Variants in SLC9A9 observed in about 807,000 individuals in gnomAD.
SLC9A9 encodes the protein solute carrier family 9 member A9, also known as sodium/hydrogen exchanger 9.
Under a neutral mutation model 77.8 loss-of-function variants are expected in SLC9A9, and 62 were observed. That is an observed-to-expected ratio of 0.80 (90% CI 0.65 to 0.98). SLC9A9 has a LOEUF of 0.98. Ranked by LOEUF, SLC9A9 falls within the 50% of genes least tolerant of loss-of-function variation. SLC9A9 has a pLI of 0.00. For missense variants in SLC9A9, 775 were observed against 774.9 expected, an observed-to-expected ratio of 1.00 and a Z score of 0.00; for synonymous variants, 320 against 283.5, an observed-to-expected ratio of 1.13 and a Z score of -1.29.
At chr3:143,376,047 C>A (rs569523371) in intron 13 of SLC9A9, among the ~76,000 whole-genome samples, 2 of 152,210 alleles carry the variant, frequency 1.3e-5, no homozygotes, top group East Asian at 3.9e-4. Context: ...CAGGTTGACC[C>A]TCTCCTCCTG....
chr3:143,456,161 A>G (rs1420289187), intron 12 of SLC9A9, among the ~76,000 whole-genome samples: 1 of 152,098 alleles, frequency 6.6e-6, no homozygotes, highest in African/African-American at 2.4e-5. Flanking sequence ...ATCTATTGAT[A>G]TGATCATGTT....
chr3:143,492,694 C>A (rs1164594522), intron 11 of SLC9A9, among the ~76,000 whole-genome samples: 2 of 152,202 alleles, frequency 1.3e-5, no homozygotes, highest in East Asian at 3.8e-4. Flanking sequence ...TTAATACTTG[C>A]TTCACAGGAT....
chr3:143,677,706 G>A (rs1242536599), intron 5 of SLC9A9, among the ~76,000 whole-genome samples: 1 of 152,092 alleles, frequency 6.6e-6, no homozygotes, highest in African/African-American at 2.4e-5. Context: ...ACTGTTAGGG[G>A]TAAAATGATA....
chr3:143,472,709 G>A (rs965185815), intron 11 of SLC9A9, among the ~76,000 whole-genome samples: 9 of 152,244 alleles, frequency 5.9e-5, no homozygotes, highest in African/African-American at 1.7e-4. Context: ...ACTCAATAAC[G>A]ATTTGTCCAA....
chr3:143,330,642 G>A (rs1187813479), intron 14 of SLC9A9, among the ~76,000 whole-genome samples: 3 of 152,202 alleles, frequency 2.0e-5, no homozygotes, highest in Non-Finnish European at 4.4e-5. Context: ...GTTCCTAACA[G>A]AAGTGACATA....
intron 14 of SLC9A9, among the ~76,000 whole-genome samples, chr3:143,315,576 G>A (rs1035568868): frequency 6.6e-6 from 1 of 152,174 alleles, no homozygotes; most frequent in African/African-American, 2.4e-5. Flanking sequence ...ACTGGAAGAT[G>A]CCATTTAGTC....
intron 9 of SLC9A9, among the ~76,000 whole-genome samples, chr3:143,513,191 T>C (rs1691313692): frequency 6.6e-6 from 1 of 152,200 alleles, no homozygotes; most frequent in Non-Finnish European, 1.5e-5. Flanking sequence ...CAATAGAACT[T>C]CTTTCCAAAT....
At chr3:143,414,278 T>A (rs576984556) in intron 12 of SLC9A9, among the ~76,000 whole-genome samples, 2 of 152,362 alleles carry the variant, frequency 1.3e-5, no homozygotes, top group African/African-American at 2.4e-5. Flanking sequence ...AATATGTGTA[T>A]ATGTCTGCAT....
intron 13 of SLC9A9, among the ~76,000 whole-genome samples, chr3:143,379,597 C>T (rs888225471): frequency 1.4e-4 from 22 of 152,158 alleles, no homozygotes; most frequent in Middle Eastern, 3.2e-3. Flanking sequence ...TCAATGATAA[C>T]GCTACTTACT....
intron 4 of SLC9A9, among the ~76,000 whole-genome samples, chr3:143,730,335 C>T (rs1402924572): frequency 2.6e-5 from 4 of 152,216 alleles, no homozygotes; most frequent in Non-Finnish European, 5.9e-5. Flanking sequence ...AAAGTTAACT[C>T]ATCTCTTTTT....
intron 6 of SLC9A9, among the ~76,000 whole-genome samples, chr3:143,637,483 C>T (rs2038542161): frequency 1.3e-5 from 2 of 152,022 alleles, no homozygotes; most frequent in African/African-American, 4.8e-5. Flanking sequence ...TATGGATTTT[C>T]CTATTTTGAA....
intron 12 of SLC9A9, among the ~76,000 whole-genome samples, chr3:143,392,558 C>T (rs1576467073): frequency 2.6e-5 from 4 of 152,280 alleles, no homozygotes; most frequent in South Asian, 4.1e-4. Flanking sequence ...AGCAAAATAA[C>T]CAGCTAACAT....
chr3:143,750,856 G>T (rs771554738), intron 4 of SLC9A9, among the ~76,000 whole-genome samples: 4 of 151,764 alleles, frequency 2.6e-5, no homozygotes, highest in Non-Finnish European at 4.4e-5. Flanking sequence ...AAAGAATTTC[G>T]CAAGAACATC....
chr3:143,699,703 T>C (rs189470555), intron 4 of SLC9A9, among the ~76,000 whole-genome samples: 145 of 152,268 alleles, frequency 9.5e-4, no homozygotes, highest in Admixed American at 3.3e-3. Flanking sequence ...CTCCCCACTG[T>C]AGGCTAAATT....
intron 14 of SLC9A9, among the ~76,000 whole-genome samples, chr3:143,359,154 G>A (rs559977647): frequency 7.9e-5 from 12 of 152,344 alleles, no homozygotes; most frequent in African/African-American, 2.9e-4. Flanking sequence ...ATCAATGCCT[G>A]AAATGAAGGT....
intron 14 of SLC9A9, among the ~76,000 whole-genome samples, chr3:143,273,589 T>A (rs576471767): frequency 3.3e-5 from 5 of 152,304 alleles, no homozygotes; most frequent in African/African-American, 1.2e-4. Context: ...ACCCAAGCTA[T>A]GGTATTTTGT....
At chr3:143,484,840 T>C (rs542072178) in intron 11 of SLC9A9, among the ~76,000 whole-genome samples, 77 of 152,308 alleles carry the variant, frequency 5.1e-4, no homozygotes, top group African/African-American at 1.8e-3. Flanking sequence ...TCCCCATGTC[T>C]CATTGTTATT....
At chr3:143,683,137 T>C (rs1322095255) in intron 5 of SLC9A9, among the ~76,000 whole-genome samples, 1 of 152,164 alleles carries the variant, frequency 6.6e-6, no homozygotes, top group African/African-American at 2.4e-5. Context: ...GTGCATTATT[T>C]GACCAAGGGT....
At chr3:143,648,432 G>C (rs1034906282) in intron 6 of SLC9A9, among the ~76,000 whole-genome samples, 1 of 152,166 alleles carries the variant, frequency 6.6e-6, no homozygotes, top group Non-Finnish European at 1.5e-5. Flanking sequence ...GCTGCTAGGA[G>C]AATCTAATGC....
Sources: gnomAD v4.1 joint callset for allele counts (sites outside exome capture counted in the v4.1 genomes callset) on GRCh38, gnomAD v4.1.1 for gene constraint, MANE v1.5 for transcripts, NCBI Gene and HGNC (gene_info 2026-07-23, HGNC 2026-07-21) for gene names.